Variants in GRIA4 observed in about 807,000 individuals in gnomAD.
GRIA4 encodes the protein glutamate receptor 4.
A neutral mutation model predicts 104.0 loss-of-function variants in GRIA4; 34 were observed. The observed-to-expected ratio is 0.33, with a 90% confidence interval of 0.25 to 0.44. The LOEUF is 0.44. Among genes scored for constraint, GRIA4 ranks in the 20% least tolerant of loss-of-function variants. GRIA4 has a pLI of 1.00. For missense variants in GRIA4, 750 were observed against 1,096.5 expected, an observed-to-expected ratio of 0.68 and a Z score of 4.46; for synonymous variants, 386 against 381.9, an observed-to-expected ratio of 1.01 and a Z score of -0.13.
chr11:105,713,216 C>T (rs1953974779), intron 3 of GRIA4, among the ~76,000 whole-genome samples: 1 of 152,018 alleles, frequency 6.6e-6, no homozygotes. Context: ...AACGCTGTCT[C>T]TACTAAAAAT....
intron 4 of GRIA4, among the ~76,000 whole-genome samples, chr11:105,803,884 G>C (rs1260077569): frequency 6.7e-6 from 1 of 148,496 alleles, no homozygotes; most frequent in African/African-American, 2.5e-5. Context: ...AGAGAGAAGA[G>C]CCATGATTAC....
At chr11:105,944,790 A>AC (rs1024413525) in intron 14 of GRIA4, among the ~76,000 whole-genome samples, 6 of 152,000 alleles carry the variant, frequency 3.9e-5, no homozygotes, top group African/African-American at 1.2e-4. Context: ...TGAGCCTCTC[A>AC]CTATGTTGCC....
At chr11:105,693,181 G>A (rs1341829741) in intron 3 of GRIA4, among the ~76,000 whole-genome samples, 1 of 152,094 alleles carries the variant, frequency 6.6e-6, no homozygotes, top group African/African-American at 2.4e-5. Context: ...AAAGAAATTA[G>A]ACCAAAAACA....
chr11:105,679,365 C>T (rs926008199), intron 3 of GRIA4, among the ~76,000 whole-genome samples: 1 of 152,084 alleles, frequency 6.6e-6, no homozygotes, highest in Non-Finnish European at 1.5e-5. Context: ...GGCATCTTGG[C>T]CCAGTTAAGT....
intron 4 of GRIA4, among the ~76,000 whole-genome samples, chr11:105,811,969 C>CT (rs1943188877): frequency 6.6e-6 from 1 of 152,134 alleles, no homozygotes; most frequent in Non-Finnish European, 1.5e-5. Flanking sequence ...CTCCCCCATG[C>CT]TTTTTAGGAA....
At chr11:105,822,444 A>G (rs759631215) in intron 4 of GRIA4, among the ~76,000 whole-genome samples, 24 of 152,110 alleles carry the variant, frequency 1.6e-4, no homozygotes, top group Non-Finnish European at 2.5e-4. Context: ...AGTAGGTTGC[A>G]AAGTCTTAGG....
chr11:105,849,668 A>G (rs1369237465), intron 4 of GRIA4, among the ~76,000 whole-genome samples: 3 of 152,224 alleles, frequency 2.0e-5, no homozygotes. Flanking sequence ...GCTAAGCTCT[A>G]TAAGCTTGGA....
chr11:105,915,061 C>A (rs1185930394), intron 10 of GRIA4, among the ~76,000 whole-genome samples: 1 of 152,142 alleles, frequency 6.6e-6, no homozygotes, highest in Admixed American at 6.6e-5. Context: ...ATTTGCTACT[C>A]TTTTGGACTT....
At chr11:105,799,741 G>A (rs913867914) in intron 4 of GRIA4, among the ~76,000 whole-genome samples, 3 of 152,086 alleles carry the variant, frequency 2.0e-5, no homozygotes, top group Non-Finnish European at 4.4e-5. Context: ...AAGGTCATCT[G>A]CTGAAATCAA....
intron 4 of GRIA4, among the ~76,000 whole-genome samples, chr11:105,766,440 G>A (rs1280974803): frequency 6.6e-6 from 1 of 151,978 alleles, no homozygotes; most frequent in Non-Finnish European, 1.5e-5. Context: ...TTTTTGTTTT[G>A]TTTTCTACTG....
chr11:105,966,459 G>T (rs1046740089), intron 14 of GRIA4, among the ~76,000 whole-genome samples: 11 of 152,058 alleles, frequency 7.2e-5, no homozygotes, highest in Non-Finnish European at 1.6e-4. Context: ...ACCAAATATT[G>T]CTTAGTATCA....
intron 13 of GRIA4, among the ~76,000 whole-genome samples, chr11:105,930,095 G>A (rs1401017662): frequency 6.6e-6 from 1 of 152,094 alleles, no homozygotes; most frequent in Non-Finnish European, 1.5e-5. Context: ...AGTGACATTT[G>A]ATACAGAGAC....
intron 4 of GRIA4, among the ~76,000 whole-genome samples, chr11:105,814,814 T>C (rs575326117): frequency 6.6e-6 from 1 of 152,320 alleles, no homozygotes; most frequent in East Asian, 1.9e-4. Context: ...TTCCTGTCAC[T>C]ATAGGGAATC....
chr11:105,610,870 C>CTTTTTTTTTTTTTTTTTTTTTTTT (rs55973528), intron 1 of GRIA4, 38 bp from the exon 2 acceptor site: 10 of 357,396 alleles, frequency 2.8e-5, no homozygotes, highest in South Asian at 5.8e-5. Flanking sequence ...TCTTTCTTTT[C>CTTTTTTTTTTTTTTTTTTTTTTTT]TTTTTTTTTT....
At chr11:105,621,423 T>G (rs1292097976) in intron 3 of GRIA4, among the ~76,000 whole-genome samples, 1 of 151,492 alleles carries the variant, frequency 6.6e-6, no homozygotes. Flanking sequence ...CAGATATTAC[T>G]CTAAACATAA....
At chr11:105,840,138 G>GATA (rs1565277947) in intron 4 of GRIA4, among the ~76,000 whole-genome samples, 1 of 152,120 alleles carries the variant, frequency 6.6e-6, no homozygotes, top group Non-Finnish European at 1.5e-5. Context: ...AGTTATAACA[G>GATA]ATAATATTAC....
intron 14 of GRIA4, chr11:105,966,023 G>C: frequency 6.2e-7 from 1 of 1,613,462 alleles, no homozygotes; most frequent in Non-Finnish European, 8.5e-7. Context: ...ATGGTGGTAC[G>C]ACAAAGGAGA....
At chr11:105,621,503 G>A (rs1219849944) in intron 3 of GRIA4, among the ~76,000 whole-genome samples, 2 of 151,238 alleles carry the variant, frequency 1.3e-5, no homozygotes, top group African/African-American at 4.8e-5. Flanking sequence ...CTTATTAATG[G>A]TTTATTTCTG....
intron 4 of GRIA4, among the ~76,000 whole-genome samples, chr11:105,768,495 G>A (rs1941056716): frequency 6.6e-6 from 1 of 152,016 alleles, no homozygotes; most frequent in African/African-American, 2.4e-5. Flanking sequence ...GGAAGTCAAA[G>A]CATTGCTTCA....
Sources: gnomAD v4.1 joint callset for allele counts (sites outside exome capture counted in the v4.1 genomes callset) on GRCh38, gnomAD v4.1.1 for gene constraint, MANE v1.5 for transcripts, NCBI Gene and HGNC (gene_info 2026-07-23, HGNC 2026-07-21) for gene names.